The following MTUS2 variants were observed in gnomAD, a reference collection of about 807,000 sequenced individuals.
The protein encoded by MTUS2 is microtubule-associated tumor suppressor candidate 2.
MTUS2 carries 40 observed loss-of-function variants against 114.1 expected under a neutral mutation model. The ratio of observed to expected loss-of-function variants is 0.35; its 90% CI spans 0.27 to 0.46. MTUS2 has a LOEUF of 0.46. Among genes scored for constraint, MTUS2 ranks in the 20% least tolerant of loss-of-function variants. The pLI is 1.00. For missense variants in MTUS2, 1,679 were observed against 1,705.4 expected, an observed-to-expected ratio of 0.98 and a Z score of 0.27; for synonymous variants, 688 against 672.0, an observed-to-expected ratio of 1.02 and a Z score of -0.37.
chr13:29,360,225 A>G (rs1870107587), intron 8 of MTUS2, among the ~76,000 whole-genome samples: 1 of 152,214 alleles, frequency 6.6e-6, no homozygotes, highest in African/African-American at 2.4e-5. Flanking sequence ...TGAGATGCAC[A>G]TATGGACCTC....
chr13:29,206,967 A>T (rs1200632555), intron 5 of MTUS2, among the ~76,000 whole-genome samples: 2 of 152,052 alleles, frequency 1.3e-5, no homozygotes, highest in Admixed American at 6.5e-5. Flanking sequence ...TTTTGATGGG[A>T]ATTGCATTAA....
At chr13:29,282,157 T>C (rs1898299907) in intron 6 of MTUS2, among the ~76,000 whole-genome samples, 1 of 152,196 alleles carries the variant, frequency 6.6e-6, no homozygotes, top group Admixed American at 6.5e-5. Context: ...CTCAGGGAAG[T>C]GGGTGCTGAC....
chr13:29,267,864 T>G (rs1353849416), intron 5 of MTUS2, among the ~76,000 whole-genome samples: 2 of 152,004 alleles, frequency 1.3e-5, no homozygotes, highest in African/African-American at 4.8e-5. Context: ...GGCCACTGAG[T>G]CAAAGGAAGT....
At chr13:29,466,287 T>C (rs959507167) in intron 9 of MTUS2, among the ~76,000 whole-genome samples, 5 of 152,228 alleles carry the variant, frequency 3.3e-5, no homozygotes, top group African/African-American at 1.2e-4. Context: ...GCCAGGGCAG[T>C]GGACAGACAT....
At chr13:29,249,810 T>C (rs144273854) in intron 5 of MTUS2, among the ~76,000 whole-genome samples, 5,676 of 152,206 alleles carry the variant, frequency 0.037, 307 homozygotes, top group East Asian at 0.25. Flanking sequence ...TCTGGGAAAA[T>C]TGGCTAGCCA....
At chr13:29,201,201 G>T (rs890822990) in intron 5 of MTUS2, among the ~76,000 whole-genome samples, 1 of 152,028 alleles carries the variant, frequency 6.6e-6, no homozygotes, top group East Asian at 1.9e-4. Flanking sequence ...TCCTGTATTG[G>T]GTGCATATAT....
chr13:29,460,243 C>T (rs1879388846), intron 9 of MTUS2, among the ~76,000 whole-genome samples: 1 of 152,136 alleles, frequency 6.6e-6, no homozygotes. Flanking sequence ...GCTCCAAAAC[C>T]ATGCCTGTTT....
At chr13:29,455,748 A>G (rs1879061568) in intron 9 of MTUS2, among the ~76,000 whole-genome samples, 1 of 152,230 alleles carries the variant, frequency 6.6e-6, no homozygotes, top group Non-Finnish European at 1.5e-5. Flanking sequence ...TTGGGGGCCA[A>G]GGCAGGTGAA....
At chr13:29,306,986 C>G in intron 6 of MTUS2, 1 of 547,152 alleles carries the variant, frequency 1.8e-6, no homozygotes, top group Admixed American at 1.9e-5. Context: ...CTTGTCATCA[C>G]TGGAAATCTC....
chr13:29,108,192 G>A (rs939802674), intron 5 of MTUS2, among the ~76,000 whole-genome samples: 1 of 152,184 alleles, frequency 6.6e-6, no homozygotes, highest in Admixed American at 6.5e-5. Context: ...TCGGCAATGA[G>A]AGAGTCATTT....
In MTUS2 at chr13:29,026,153, G is replaced by A; in HGVS notation, c.1455G>A (p.Glu485=). 6.2e-7 allele frequency: 1 copy of A among 1,614,004 alleles called. No individual in the cohort carries two copies. The highest frequency in any genetic ancestry group is 8.5e-7 in the Non-Finnish European group (1 of 1,179,900). The change falls in exon 3 of 16, where the codon GAG becomes GAA. Residue 485 remains glutamate, a synonymous_variant. Transcript: ENST00000612955. ...GAGAGAACAAGACGGAGGTGCCTGA[G>A]CCCCTGGACCCTCAAAGTGGCCGCT... ...SVGENKTEVP[E]PLDPQSGRSE... is the part of the protein sequence containing the mutation.
At chr13:29,082,040 C>T (rs1435229761) in intron 4 of MTUS2, among the ~76,000 whole-genome samples, 10 of 152,094 alleles carry the variant, frequency 6.6e-5, no homozygotes, top group African/African-American at 2.4e-4. Flanking sequence ...AAGTTCTAAC[C>T]CCCAATGTGA....
chr13:28,943,030 G>C (rs1260079909), intron 2 of MTUS2, among the ~76,000 whole-genome samples: 1 of 152,138 alleles, frequency 6.6e-6, no homozygotes, highest in African/African-American at 2.4e-5. Context: ...CAAAAAGCTT[G>C]AAAACATAGT....
intron 2 of MTUS2, among the ~76,000 whole-genome samples, chr13:28,989,639 C>CA (rs201456794): frequency 6.6e-6 from 1 of 152,212 alleles, no homozygotes; most frequent in East Asian, 1.9e-4. Flanking sequence ...CCACAGGGCC[C>CA]ACAGGAGGCT....
intron 2 of MTUS2, among the ~76,000 whole-genome samples, chr13:28,862,530 T>C (rs1284178564): frequency 1.3e-5 from 2 of 152,190 alleles, no homozygotes; most frequent in Non-Finnish European, 2.9e-5. Flanking sequence ...GGAGAATCAC[T>C]TGAACCTGGG....
At chr13:29,362,618 C>T (rs4485206) in intron 8 of MTUS2, among the ~76,000 whole-genome samples, 95,276 of 151,862 alleles carry the variant, frequency 0.63, 30,650 homozygotes, top group South Asian at 0.74. Context: ...ACCCAGGAGA[C>T]GGAGGTTGCA....
chr13:28,949,198 C>A (rs1335647550), intron 2 of MTUS2, among the ~76,000 whole-genome samples: 12 of 152,292 alleles, frequency 7.9e-5, no homozygotes, highest in Admixed American at 7.8e-4. Flanking sequence ...TTCTCCCGTT[C>A]ATTGAGCCAG....
intron 5 of MTUS2, among the ~76,000 whole-genome samples, chr13:29,123,310 TTG>T (rs1002792749): frequency 1.2e-4 from 19 of 152,360 alleles, no homozygotes; most frequent in African/African-American, 4.6e-4. Context: ...CTGTGATTCA[TTG>T]TGTTTATAAT....
chr13:29,451,024 C>T (rs73444062), intron 9 of MTUS2, among the ~76,000 whole-genome samples: 9,762 of 152,166 alleles, frequency 0.064, 1,039 homozygotes, highest in African/African-American at 0.22. Flanking sequence ...CTCTGAGTAA[C>T]AATAGAAAAA....
Sources: gnomAD v4.1 joint callset for allele counts (sites outside exome capture counted in the v4.1 genomes callset) on GRCh38, gnomAD v4.1.1 for gene constraint, MANE v1.5 for transcripts, NCBI Gene and HGNC (gene_info 2026-07-23, HGNC 2026-07-21) for gene names.